The following LUC7L variants were observed in gnomAD, a reference collection of about 807,000 sequenced individuals.
LUC7L encodes putative RNA-binding protein Luc7-like 1.
In LUC7L, 29 loss-of-function variants were observed where a neutral mutation model predicts 51.1. The observed-to-expected ratio is 0.57, with a 90% CI of 0.42 to 0.77. The LOEUF is 0.77. LUC7L is among the 30% of genes least tolerant of loss of function. The probability of loss-of-function intolerance (pLI) is 0.00; values close to 1 mark genes in which losing one functional copy is unlikely to be tolerated. For missense variants in LUC7L, 403 were observed against 511.9 expected (o/e 0.79, Z 2.05); for synonymous variants, 181 against 180.7 (o/e 1.00, Z -0.01).
Position 229,048 on chromosome 16 carries a change from C to T in LUC7L, c.61+231G>A, listed in dbSNP as rs1191249638. 5 of 1,419,558 alleles carry T rather than the reference C, an allele frequency of 3.5e-6. No homozygotes were observed. The East Asian group carries it at 1.3e-4, about 37-fold the overall frequency. 87.9% of individuals were successfully genotyped at this position (1,419,558 alleles called of 1,614,324 possible). ...ACGGTACATAGGAAGGAGGCTGAAG[C>T]CCCATCCATGGCGCAGACTCCGAGA... On this transcript the variant is annotated intron_variant, in intron 1 of 9. Coordinates refer to ENST00000293872, the MANE Select transcript of LUC7L (RefSeq NM_201412.3).
chr16:203,552 C>CA (rs1320657728), intron 5 of LUC7L, among the ~76,000 whole-genome samples: 1 of 151,682 alleles, frequency 6.6e-6, no homozygotes, highest in Non-Finnish European at 1.5e-5. Flanking sequence ...CCAAAAAATA[C>CA]AAAAAATTAG....
intron 7 of LUC7L, among the ~76,000 whole-genome samples, chr16:191,419 C>T (rs2049005545): frequency 6.6e-6 from 1 of 152,224 alleles, no homozygotes; most frequent in African/African-American, 2.4e-5. Flanking sequence ...CCATGTACAT[C>T]CGCAACACAA....
At chr16:198,881 T>C (rs1170988285) in intron 6 of LUC7L, among the ~76,000 whole-genome samples, 181 bp downstream of exon 6, 2 of 152,224 alleles carry the variant, frequency 1.3e-5, no homozygotes, top group East Asian at 3.9e-4. Flanking sequence ...GGTTTCACCA[T>C]GTTGGTCAGG....
chr16:189,020 T>C lies in LUC7L; in HGVS notation c.*178A>G. On this transcript the variant is annotated 3_prime_UTR_variant, in exon 10 of 10. Coordinates refer to ENST00000293872, the MANE Select transcript of LUC7L (RefSeq NM_201412.3). ...AGGCAGCATCAGATTTATTTATTCC[T>C]ACTCAACATGACCCGGGAACACAGG... is the stretch of plus-strand genomic sequence containing the variant. The C allele has an allele frequency of 1.5e-6, 1 of 660,142 alleles. No homozygotes were observed. Among genetic ancestry groups the C allele is most frequent in the Non-Finnish European group, 2.5e-6 (1 of 394,148 alleles). The allele number at this position is 660,142 out of a possible 1,614,324, so 40.9% of individuals were successfully genotyped here.
At chr16:200,398 C>T (rs908293675) in intron 5 of LUC7L, among the ~76,000 whole-genome samples, 6 of 143,616 alleles carry the variant, frequency 4.2e-5, no homozygotes, top group Non-Finnish European at 6.0e-5. Flanking sequence ...GGCGAAAGAG[C>T]GAGACTCCGT....
intron 3 of LUC7L, among the ~76,000 whole-genome samples, chr16:213,766 G>A (rs1410532217): frequency 6.6e-6 from 1 of 152,050 alleles, no homozygotes; most frequent in East Asian, 1.9e-4. Flanking sequence ...CTGGACTGGA[G>A]TGCAGTGGCG....
At chr16:202,365 TC>T (rs1363205792) in intron 5 of LUC7L, among the ~76,000 whole-genome samples, 3 of 151,956 alleles carry the variant, frequency 2.0e-5, no homozygotes, top group Non-Finnish European at 2.9e-5. Context: ...CCCAAACACC[TC>T]CCACTAGACC....
intron 6 of LUC7L, among the ~76,000 whole-genome samples, chr16:198,329 T>C (rs922697013): frequency 2.7e-5 from 4 of 149,698 alleles, no homozygotes; most frequent in African/African-American, 9.9e-5. Context: ...CTTAGAGTCT[T>C]GAAGAAGGAA....
In LUC7L at chr16:206,077, T is replaced by C. The variant is rs926456446; in HGVS notation, c.437A>G (p.Glu146Gly). 1.2e-6 allele frequency: 2 copies of C among 1,613,878 alleles called. No individual in the cohort carries two copies. Among genetic ancestry groups the C allele is most frequent in the Non-Finnish European group, 1.7e-6 (2 of 1,179,936 alleles). ...CTTCTGGGATTCATCCACATTACCT[T>C]CAGCCCCTAGCTGTTCGGCTTTAGC... ...LLAKAEQLGAEGNVDESQKIL... is the reference protein window; with the variant it reads ...LLAKAEQLGAGGNVDESQKIL... Residue 146 changes from glutamate to glycine, a missense_variant, in exon 5 of 10, where the codon GAA (glutamate) becomes GGA (glycine). Coordinates refer to ENST00000293872, the MANE Select transcript of LUC7L (RefSeq NM_201412.3).
chr16:219,444 G>T (rs906122424), intron 3 of LUC7L, among the ~76,000 whole-genome samples: 2 of 152,002 alleles, frequency 1.3e-5, no homozygotes, highest in African/African-American at 4.8e-5. Flanking sequence ...AGCCAGACAT[G>T]GTCGTGTGCA....
intron 5 of LUC7L, among the ~76,000 whole-genome samples, chr16:200,144 C>T (rs562697249): frequency 6.6e-5 from 10 of 151,514 alleles, no homozygotes; most frequent in Non-Finnish European, 1.2e-4. Context: ...AAAAATTGGC[C>T]GGGCGCGGTG....
At chr16:196,819 G>A (rs921564244) in intron 6 of LUC7L, among the ~76,000 whole-genome samples, 1 of 151,844 alleles carries the variant, frequency 6.6e-6, no homozygotes, top group African/African-American at 2.4e-5. Context: ...GAGCCACCAT[G>A]CCTGGCCAAA....
At chr16:206,388 A>T (rs1370042184) in intron 4 of LUC7L, among the ~76,000 whole-genome samples, 1 of 152,132 alleles carries the variant, frequency 6.6e-6, no homozygotes, top group Admixed American at 6.6e-5. Flanking sequence ...ATCATCACAG[A>T]TTGGTCATTG....
intron 2 of LUC7L, among the ~76,000 whole-genome samples, chr16:221,186 ATTTTT>A (rs372906826): frequency 5.5e-4 from 56 of 101,240 alleles, no homozygotes; most frequent in African/African-American, 1.1e-3. Flanking sequence ...CACCCAGCTA[ATTTTT>A]TTTTTTTTTT....
At chr16:197,950 C>T (rs1191888554) in intron 6 of LUC7L, among the ~76,000 whole-genome samples, 2 of 152,130 alleles carry the variant, frequency 1.3e-5, no homozygotes, top group South Asian at 4.1e-4. Context: ...GTCCAACCTT[C>T]CTTCTTAGCA....
chr16:192,114 G>A (rs576701579), intron 7 of LUC7L, among the ~76,000 whole-genome samples: 2 of 152,070 alleles, frequency 1.3e-5, no homozygotes, highest in Admixed American at 6.6e-5. Flanking sequence ...CAGCAACTCC[G>A]GGCCAGAAAC....
chr16:228,037 A>G, intron 1 of LUC7L: 1 of 1,128,110 alleles, frequency 8.9e-7, no homozygotes, highest in Non-Finnish European at 1.1e-6. Context: ...CCCGCTGTTG[A>G]AAAGTGTTAA....
chr16:195,161 C>T (rs2049115855), intron 6 of LUC7L, among the ~76,000 whole-genome samples: 1 of 152,032 alleles, frequency 6.6e-6, no homozygotes, highest in Non-Finnish European at 1.5e-5. Flanking sequence ...GGTACGGTGG[C>T]TCATGCCATT....
intron 6 of LUC7L, among the ~76,000 whole-genome samples, chr16:196,795 G>A (rs1211834449): frequency 2.6e-5 from 4 of 152,164 alleles, no homozygotes; most frequent in South Asian, 2.1e-4. Context: ...CCAAAGTGCT[G>A]GGATTACAGG....
Sources: gnomAD v4.1 joint callset for allele counts (sites outside exome capture counted in the v4.1 genomes callset) on GRCh38, gnomAD v4.1.1 for gene constraint, MANE v1.5 for transcripts, NCBI Gene and HGNC (gene_info 2026-07-23, HGNC 2026-07-21) for gene names.